The following LOC128092253 variants were observed in gnomAD, a reference collection of about 807,000 sequenced individuals.
the LOC128092253 span, among the ~76,000 whole-genome samples, chr6:133,976,615 T>C: frequency 6.6e-6 from 1 of 152,218 alleles, no homozygotes; most frequent in Non-Finnish European, 1.5e-5. Context: ...TAGTTAGACC[T>C]GTTTAACCCA....
At chr6:133,973,175 G>A in the LOC128092253 span, among the ~76,000 whole-genome samples, 1 of 152,192 alleles carries the variant, frequency 6.6e-6, no homozygotes. Flanking sequence ...GCTTTATAAA[G>A]GATGTGAGGT....
At chr6:133,954,127 A>G in the LOC128092253 span, among the ~76,000 whole-genome samples, 2 of 152,218 alleles carry the variant, frequency 1.3e-5, no homozygotes, top group Admixed American at 6.5e-5. Flanking sequence ...TCTCCTGCCG[A>G]GATGTGCATC....
the LOC128092253 span, among the ~76,000 whole-genome samples, chr6:133,967,649 G>A: frequency 6.6e-6 from 1 of 152,192 alleles, no homozygotes; most frequent in Non-Finnish European, 1.5e-5. Flanking sequence ...ACTGTAGGCA[G>A]TTGTAACATA....
chr6:133,968,127 T>A, the LOC128092253 span, among the ~76,000 whole-genome samples: 1 of 151,956 alleles, frequency 6.6e-6, no homozygotes, highest in Non-Finnish European at 1.5e-5. Context: ...TAGCTGGGAC[T>A]ACAGGCGCGT....
At chr6:133,976,699 C>T in the LOC128092253 span, among the ~76,000 whole-genome samples, 1 of 152,008 alleles carries the variant, frequency 6.6e-6, no homozygotes, top group Non-Finnish European at 1.5e-5. Context: ...AGAAACTGAG[C>T]TATTTGTCGG....
At chr6:133,958,237 A>G in the LOC128092253 span, among the ~76,000 whole-genome samples, 1 of 152,094 alleles carries the variant, frequency 6.6e-6, no homozygotes, top group Admixed American at 6.5e-5. Flanking sequence ...AAAGGAATAA[A>G]CCCCAATGGT....
the LOC128092253 span, among the ~76,000 whole-genome samples, chr6:133,955,787 T>C: frequency 0.047 from 7,161 of 152,296 alleles, 574 homozygotes; most frequent in African/African-American, 0.16. Flanking sequence ...ATGATTCTTA[T>C]TCTAAAAAAA....
At chr6:133,965,831 T>C in the LOC128092253 span, among the ~76,000 whole-genome samples, 1 of 152,218 alleles carries the variant, frequency 6.6e-6, no homozygotes, top group Non-Finnish European at 1.5e-5. Context: ...GGAGATATAA[T>C]AATAGTAACA....
chr6:133,969,082 T>C, the LOC128092253 span: 1 of 152,186 alleles, frequency 6.6e-6, no homozygotes, highest in East Asian at 1.9e-4. Context: ...TATCTTCTTA[T>C]ATTGCAAAAT....
chr6:133,979,777 G>C, the LOC128092253 span, among the ~76,000 whole-genome samples: 3 of 152,016 alleles, frequency 2.0e-5, no homozygotes, highest in Non-Finnish European at 2.9e-5. Context: ...CTCCCTAGTA[G>C]CTGGGATTAC....
At chr6:133,953,725 A>G in the LOC128092253 span, among the ~76,000 whole-genome samples, 1 of 152,014 alleles carries the variant, frequency 6.6e-6, no homozygotes, top group East Asian at 1.9e-4. Context: ...GTAGGATAAG[A>G]AAAGAAGGGT....
chr6:133,979,998 AT>A, the LOC128092253 span: 3 of 1,052,504 alleles, frequency 2.9e-6, no homozygotes, highest in Non-Finnish European at 3.8e-6. Flanking sequence ...ATATAGATTC[AT>A]TTTTTACATT....
the LOC128092253 span, among the ~76,000 whole-genome samples, chr6:133,978,743 G>A: frequency 1.3e-5 from 2 of 152,234 alleles, no homozygotes; most frequent in Admixed American, 1.3e-4. Context: ...TCTTGGTCTG[G>A]TTTGCCACTG....
chr6:133,977,787 C>G, the LOC128092253 span, among the ~76,000 whole-genome samples: 1 of 152,138 alleles, frequency 6.6e-6, no homozygotes, highest in Non-Finnish European at 1.5e-5. Context: ...AGGGGCCAGG[C>G]TGCTTCTATC....
At chr6:133,954,113 A>T in the LOC128092253 span, among the ~76,000 whole-genome samples, 3 of 152,110 alleles carry the variant, frequency 2.0e-5, no homozygotes, top group Non-Finnish European at 4.4e-5. Context: ...TTAAAAAGAA[A>T]ATCTCTCCTG....
At chr6:133,974,743 T>G in the LOC128092253 span, among the ~76,000 whole-genome samples, 1 of 152,258 alleles carries the variant, frequency 6.6e-6, no homozygotes. Context: ...TGTACCAGAC[T>G]GTAAGAGAAC....
the LOC128092253 span, among the ~76,000 whole-genome samples, chr6:133,966,555 C>T: frequency 6.6e-6 from 1 of 152,198 alleles, no homozygotes; most frequent in Non-Finnish European, 1.5e-5. Context: ...TGATTAACTG[C>T]TCCGTATCTC....
At chr6:133,963,896 C>T in the LOC128092253 span, among the ~76,000 whole-genome samples, 2 of 150,636 alleles carry the variant, frequency 1.3e-5, no homozygotes, top group African/African-American at 4.9e-5. Flanking sequence ...AAAAAATTAG[C>T]CAGGCGTGGT....
chr6:133,966,068 CAG>C, the LOC128092253 span, among the ~76,000 whole-genome samples: 1 of 152,034 alleles, frequency 6.6e-6, no homozygotes, highest in Non-Finnish European at 1.5e-5. Flanking sequence ...ACTTCAGAGA[CAG>C]AGAGAGACAG....
Sources: allele counts gnomAD v4.1 joint callset (sites outside exome capture counted in the v4.1 genomes callset), GRCh38; gene constraint gnomAD v4.1.1; transcripts MANE v1.5.